DCST1: variants seen among roughly 807,000 people sequenced by gnomAD.
DCST1 encodes DC-STAMP domain containing 1.
DCST1 carries 78 observed loss-of-function variants against 89.1 expected under a neutral mutation model. The ratio of observed to expected loss-of-function variants is 0.88; its 90% CI spans 0.73 to 1.06. The LOEUF is 1.06. DCST1 is among the 50% of genes least tolerant of loss of function. DCST1 has a pLI of 0.00. For missense variants in DCST1, 900 were observed against 928.6 expected, an observed-to-expected ratio of 0.97 and a Z score of 0.40; for synonymous variants, 364 against 371.9, an observed-to-expected ratio of 0.98 and a Z score of 0.24.
At chr1:155,039,806 C>T (rs1660379919) in intron 5 of DCST1, among the ~76,000 whole-genome samples, 1 of 151,246 alleles carries the variant, frequency 6.6e-6, no homozygotes, top group African/African-American at 2.4e-5. Context: ...CAAGACCAGC[C>T]ATGGTGAAAC....
chr1:155,047,862 G>T lies in DCST1; in HGVS notation c.1688G>T (p.Cys563Phe). The T allele has an allele frequency of 6.2e-7, 1 of 1,614,212 alleles. No individual in the cohort carries two copies. The highest frequency in any genetic ancestry group is 8.5e-7 in the Non-Finnish European group (1 of 1,180,038). Residue 563 changes from cysteine to phenylalanine, a missense_variant, in exon 15 of 17, where the codon TGT becomes TTT. Cys to Phe is a radical substitution (Grantham distance 205, BLOSUM62 -2). Transcript: ENST00000295542. The stretch of plus-strand genomic sequence containing the variant: ...GCAGTACCGATTGGCCTGTTAGTGT[G>T]TCTCTGCCTGTTACAGGCTTTTGGC... ...RAAVPIGLLV[C>F]LCLLQAFGYR...
chr1:155,034,089 C>T lies in DCST1; in HGVS notation c.53C>T (p.Pro18Leu), dbSNP rs767848857. ...NGTRGQRRKQ[P>L]HTTVQRLLTW... ...ACAAGAGGGCAAAGAAGAAAACAGC[C>T]TCATACCAGTGAGTCACTCAGCAGA... The change falls in exon 2 of 17, where the codon CCT becomes CTT. Residue 18 changes from proline (P) to leucine (L), a missense_variant. By Grantham distance (98) the Pro-to-Leu change is moderately conservative. Coordinates refer to ENST00000295542, the MANE Select transcript of DCST1 (RefSeq NM_152494.4). 7.4e-6 allele frequency: 12 copies of T among 1,614,010 alleles called. No individual in the cohort carries two copies. The highest frequency in any genetic ancestry group is 9.3e-6 in the Non-Finnish European group (11 of 1,180,010).
chr1:155,049,169 G>C, intron 16 of DCST1: 1 of 683,404 alleles, frequency 1.5e-6, no homozygotes, highest in Non-Finnish European at 2.7e-6. Context: ...GTGTGACCTT[G>C]AGCACATGAC....
At position 155,041,407 on chromosome 1, in the gene DCST1, A is replaced by G. The variant is rs1660435740; in HGVS notation, c.542A>G (p.Glu181Gly). ...CACCTCCAATCCCAGAGTAGCAAAG[A>G]ATTGCTGAGAGCAGAGACTCGGAAC... The part of the protein sequence containing the change: ...AMFKDLLSSK[E>G]LLRAETRNIS... The change falls in exon 7 of 17, where the codon GAA (glutamate) becomes GGA (glycine). Residue 181 changes from glutamate (E) to glycine (G), a missense_variant. Coordinates refer to ENST00000295542, the MANE Select transcript of DCST1 (RefSeq NM_152494.4). 1.2e-6 allele frequency: 2 copies of G among 1,613,578 alleles called. No individual in the cohort carries two copies. The highest frequency in any genetic ancestry group is 1.7e-6 in the Non-Finnish European group (2 of 1,180,032).
At chr1:155,034,602 A>AC in intron 3 of DCST1, 42 bp downstream of exon 3, 1 of 1,614,026 alleles carries the variant, frequency 6.2e-7, no homozygotes, top group South Asian at 1.1e-5. Flanking sequence ...CAGAGGCTGG[A>AC]CCAGGGCTAG....
rs139753649 is a variant in DCST1 at position 155,036,936 on chromosome 1, C to A, written c.262+2209C>A. Among the ~76,000 whole-genome samples the A allele has an allele frequency of 4.7e-4, 72 of 152,374 alleles. No individual in the cohort carries two copies. In the East Asian group the frequency reaches 0.012, roughly 25 times the overall value. On this transcript the variant is annotated intron_variant, in intron 4 of 16. Transcript: ENST00000295542. ...CAGGCAGAGAAAGCAGTGCACCTTC[C>A]TTTTTGTGGAGAATGGGGTCTCGCT... is the stretch of plus-strand genomic sequence containing the variant.
At chr1:155,037,227 T>C (rs1660304039) in intron 4 of DCST1, among the ~76,000 whole-genome samples, 1 of 152,216 alleles carries the variant, frequency 6.6e-6, no homozygotes, top group African/African-American at 2.4e-5. Flanking sequence ...GTGGGAGCCC[T>C]GGAGTGGCCT....
In DCST1 at chr1:155,038,447, A is replaced by G. The variant is rs181750203; in HGVS notation, c.263-956A>G. Among the ~76,000 whole-genome samples, 214 of 152,358 alleles carry G rather than the reference A, an allele frequency of 1.4e-3. 2 individuals are homozygous for G. Among genetic ancestry groups the G allele is most frequent in the Non-Finnish European group, 1.8e-4 (12 of 68,030 alleles). On this transcript the variant is annotated intron_variant, in intron 4 of 16. Transcript: ENST00000295542. Reference sequence around the variant, plus strand: ...AAAAACTGAAGTGTAAGGTAGCAAGAGAGGACATAGGGAGACTCATCAGGT... The same window carrying G: ...AAAAACTGAAGTGTAAGGTAGCAAGGGAGGACATAGGGAGACTCATCAGGT...
intron 4 of DCST1, among the ~76,000 whole-genome samples, chr1:155,035,971 T>A (rs1660269388): frequency 1.4e-5 from 2 of 146,922 alleles, no homozygotes; most frequent in Non-Finnish European, 3.0e-5. Flanking sequence ...CAGGCCCAAC[T>A]TCACTGTCTT....
chr1:155,046,391 T>C lies in DCST1; in HGVS notation c.1400T>C (p.Leu467Pro). Residue 467 changes from leucine (L) to proline (P), a missense_variant, in exon 13 of 17, where the codon CTG (leucine) becomes CCG (proline). Leu to Pro is a moderately conservative substitution (Grantham distance 98, BLOSUM62 -3). Transcript: ENST00000295542. ...GAGCTCCTGGAGACACTGCCCATTCTGCTGCTGCTGGTGGTGCTGTGTGGC... is the reference window on the plus strand; with the variant it reads ...GAGCTCCTGGAGACACTGCCCATTCCGCTGCTGCTGGTGGTGCTGTGTGGC... The part of the protein sequence containing the change: ...VRELLETLPI[L>P]LLLVVLCGLD... 6.2e-7 allele frequency: 1 copy of C among 1,614,146 alleles called. No homozygotes were observed.
At chr1:155,049,041 A>T (rs1453722878) in intron 16 of DCST1, 2 of 717,376 alleles carry the variant, frequency 2.8e-6, no homozygotes, top group Non-Finnish European at 5.2e-6. Flanking sequence ...GCAAGACTGG[A>T]GAGATCTGTA....
intron 10 of DCST1, among the ~76,000 whole-genome samples, chr1:155,044,836 G>A (rs576618466): frequency 5.3e-5 from 8 of 152,204 alleles, no homozygotes; most frequent in East Asian, 1.9e-4. Context: ...GAGGGAGGGC[G>A]GGAGGCCAGG....
Position 155,046,490 on chromosome 1 carries a change from A to T in DCST1, c.1495+4A>T. On this transcript the variant is annotated splice_donor_region_variant and intron_variant, in intron 13 of 16. Coordinates refer to ENST00000295542, the MANE Select transcript of DCST1 (RefSeq NM_152494.4). ...TTCCTGCAGTACTCCTTCCGCAGTA[A>T]GCCCATCCCCCAGACACATTCCAGG... is the stretch of plus-strand genomic sequence containing the variant. 3.7e-6 allele frequency: 6 copies of T among 1,613,264 alleles called. No individual in the cohort carries two copies. Among genetic ancestry groups the T allele is most frequent in the Admixed American group, 1.7e-5 (1 of 59,960 alleles).
intron 10 of DCST1, among the ~76,000 whole-genome samples, chr1:155,044,643 G>A (rs934125160): frequency 1.1e-4 from 16 of 152,224 alleles, no homozygotes; most frequent in African/African-American, 3.1e-4. Flanking sequence ...CCAAATGGCC[G>A]CAGATGCGGA....
chr1:155,045,012 T>G (rs1660570001), intron 10 of DCST1, among the ~76,000 whole-genome samples: 1 of 151,974 alleles, frequency 6.6e-6, no homozygotes, highest in African/African-American at 2.4e-5. Flanking sequence ...CTGGGTGAGG[T>G]CATGCACTGA....
At position 155,050,870 on chromosome 1, in the gene DCST1, G is replaced by C. The variant is rs1332877362; in HGVS notation, c.*2G>C. 6.2e-7 allele frequency: 1 copy of C among 1,607,564 alleles called. No homozygotes were observed. The highest frequency in any genetic ancestry group is 1.3e-5 in the African/African-American group (1 of 74,802). ...GACGACACTGCCTACGCGGGGTGAA[G>C]AGGCGTCCTGCTCGCTCTTCCGCAC... is the stretch of plus-strand genomic sequence containing the variant. On this transcript the variant is annotated 3_prime_UTR_variant, in exon 17 of 17. Coordinates refer to ENST00000295542, the MANE Select transcript of DCST1 (RefSeq NM_152494.4).
chr1:155,048,274 G>A, intron 16 of DCST1, 104 bp downstream of exon 16: 2 of 883,782 alleles, frequency 2.3e-6, no homozygotes, highest in South Asian at 2.9e-5. Context: ...AATGGTCGCA[G>A]GCCTACTCGA....
intron 4 of DCST1, chr1:155,035,185 C>T (rs567590271): frequency 2.1e-5 from 4 of 187,894 alleles, no homozygotes; most frequent in African/African-American, 4.7e-5. Flanking sequence ...CGTTTTGAGA[C>T]GGAGTCTCGC....
At chr1:155,042,969 G>A (rs1481110030) in intron 9 of DCST1, 113 bp downstream of exon 9, 5 of 1,461,104 alleles carry the variant, frequency 3.4e-6, no homozygotes, top group Non-Finnish European at 4.6e-6. Context: ...AGGTGACCAG[G>A]GGTGAGGGAG....
Sources: gnomAD v4.1 joint callset for allele counts (sites outside exome capture counted in the v4.1 genomes callset) on GRCh38, gnomAD v4.1.1 for gene constraint, MANE v1.5 for transcripts, NCBI Gene and HGNC (gene_info 2026-07-23, HGNC 2026-07-21) for gene names.